The following NRIP1 variants were observed in gnomAD, a reference collection of about 807,000 sequenced individuals.
NRIP1 encodes the protein nuclear receptor interacting protein 1, also known as nuclear receptor-interacting protein 1.
In NRIP1, 28 loss-of-function variants were observed where a neutral mutation model predicts 75.0. That is an observed-to-expected ratio of 0.37 (90% CI 0.28 to 0.51). The LOEUF is 0.51. Among genes scored for constraint, NRIP1 ranks in the 20% least tolerant of loss-of-function variants. NRIP1 has a pLI of 0.92. For synonymous variants in NRIP1, 526 were observed against 487.6 expected, an observed-to-expected ratio of 1.08 and a Z score of -1.04; for missense variants, 1,435 against 1,343.7, an observed-to-expected ratio of 1.07 and a Z score of -1.06.
At chr21:15,026,636 T>C (rs1255423302) in intron 2 of NRIP1, among the ~76,000 whole-genome samples, 1 of 152,110 alleles carries the variant, frequency 6.6e-6, no homozygotes, top group Admixed American at 6.5e-5. Flanking sequence ...CACCTATATA[T>C]GTATGTAAGT....
intron 2 of NRIP1, among the ~76,000 whole-genome samples, chr21:15,022,396 G>T (rs190686353): frequency 1.3e-5 from 2 of 152,250 alleles, no homozygotes; most frequent in African/African-American, 4.8e-5. Flanking sequence ...TGGGAGGTGT[G>T]GGGGGAGGGA....
chr21:15,012,599 C>T (rs559467490), intron 3 of NRIP1, among the ~76,000 whole-genome samples: 1 of 151,862 alleles, frequency 6.6e-6, no homozygotes, highest in East Asian at 1.9e-4. Context: ...ACTACAGGCA[C>T]GCGCTACCAC....
At chr21:14,998,866 CAGT>C (rs1416732452) in intron 3 of NRIP1, among the ~76,000 whole-genome samples, 1 of 152,186 alleles carries the variant, frequency 6.6e-6, no homozygotes, top group African/African-American at 2.4e-5. Flanking sequence ...TTCTGGTCAA[CAGT>C]AGGCTATCAG....
At chr21:15,061,674 A>T (rs2089426325) in intron 1 of NRIP1, among the ~76,000 whole-genome samples, 1 of 152,208 alleles carries the variant, frequency 6.6e-6, no homozygotes, top group Admixed American at 6.5e-5. Context: ...TTTTAACCTG[A>T]TACACCAAAC....
chr21:15,037,581 G>C (rs1023378206), intron 2 of NRIP1, among the ~76,000 whole-genome samples: 4 of 152,178 alleles, frequency 2.6e-5, no homozygotes, highest in Admixed American at 2.6e-4. Flanking sequence ...GAAAGTAGAT[G>C]GGAGCACATG....
chr21:14,978,955 G>A (rs1266043686), intron 3 of NRIP1, among the ~76,000 whole-genome samples: 1 of 151,988 alleles, frequency 6.6e-6, no homozygotes, highest in Non-Finnish European at 1.5e-5. Context: ...TACTGACACT[G>A]GAAAATTGTT....
At chr21:15,034,910 A>C (rs1346889648) in intron 2 of NRIP1, among the ~76,000 whole-genome samples, 1 of 152,250 alleles carries the variant, frequency 6.6e-6, no homozygotes, top group Non-Finnish European at 1.5e-5. Context: ...TGAAAAATAC[A>C]TTAGAATTAA....
At chr21:14,982,227 G>C (rs1223130246) in intron 3 of NRIP1, among the ~76,000 whole-genome samples, 1 of 151,930 alleles carries the variant, frequency 6.6e-6, no homozygotes, top group Non-Finnish European at 1.5e-5. Flanking sequence ...TTGTGTTTTG[G>C]TCTTTCCCTT....
chr21:15,007,181 G>A (rs1273568654), intron 3 of NRIP1, among the ~76,000 whole-genome samples: 1 of 152,136 alleles, frequency 6.6e-6, no homozygotes, highest in Non-Finnish European at 1.5e-5. Flanking sequence ...ACAAGCAATG[G>A]TATTATTAAA....
chr21:14,978,235 T>G (rs2087131359), intron 3 of NRIP1, among the ~76,000 whole-genome samples: 1 of 152,206 alleles, frequency 6.6e-6, no homozygotes, highest in Non-Finnish European at 1.5e-5. Flanking sequence ...ATCTAAAATT[T>G]TATTCCTATG....
chr21:15,014,067 G>T (rs2088170312), intron 3 of NRIP1, among the ~76,000 whole-genome samples: 1 of 152,130 alleles, frequency 6.6e-6, no homozygotes, highest in African/African-American at 2.4e-5. Flanking sequence ...GAATTCTCAA[G>T]AATATTTTTC....
chr21:14,961,944 C>A lies in NRIP1; in HGVS notation c.*2772G>T, dbSNP rs1001805736. The A allele has an allele frequency of 6.7e-6, 1 of 150,002 alleles. No individual in the cohort carries two copies. The highest frequency in any genetic ancestry group is 2.4e-5 in the African/African-American group (1 of 40,904). The allele number at this position is 150,002 out of a possible 1,614,324, so 9.3% of individuals were successfully genotyped here. A position where few individuals can be genotyped will look rare whatever the true frequency, so the allele number is the denominator to read the frequency against. On this transcript the variant is annotated 3_prime_UTR_variant, in exon 4 of 4. Coordinates refer to ENST00000318948, the MANE Select transcript of NRIP1 (RefSeq NM_003489.4). ...TATGTATTTTTCATTAAGGAAATCA[C>A]TATTTACATCACCTTTAAAAACCGA... is the stretch of plus-strand genomic sequence containing the variant.
intron 2 of NRIP1, among the ~76,000 whole-genome samples, chr21:15,040,258 G>A (rs2088924190): frequency 6.6e-6 from 1 of 151,978 alleles, no homozygotes; most frequent in Non-Finnish European, 1.5e-5. Context: ...TCATTGAAAG[G>A]ATAACATTTT....
At chr21:15,063,172 T>C (rs1978479229) in intron 1 of NRIP1, among the ~76,000 whole-genome samples, 1 of 152,214 alleles carries the variant, frequency 6.6e-6, no homozygotes, top group African/African-American at 2.4e-5. Flanking sequence ...GCTCCACTAA[T>C]TGATTCTCCT....
At chr21:14,975,813 AAT>A (rs1212997904) in intron 3 of NRIP1, among the ~76,000 whole-genome samples, 1 of 152,046 alleles carries the variant, frequency 6.6e-6, no homozygotes, top group Non-Finnish European at 1.5e-5. Flanking sequence ...GTTGGGAATA[AAT>A]AATAAATTCA....
chr21:15,031,094 GAGGATCACCACA>G (rs2088668413), intron 2 of NRIP1, among the ~76,000 whole-genome samples: 1 of 50,954 alleles, frequency 2.0e-5, no homozygotes, highest in East Asian at 1.0e-3. Flanking sequence ...AAGGCGCTCG[GAGGATCACCACA>G]TTCCCTTTCT....
chr21:15,021,086 T>C (rs955282759), intron 2 of NRIP1, among the ~76,000 whole-genome samples: 32 of 152,132 alleles, frequency 2.1e-4, no homozygotes, highest in African/African-American at 7.7e-4. Flanking sequence ...ATGAAAAATA[T>C]ATGTCCACAA....
At chr21:15,053,771 T>C (rs1254611536) in intron 1 of NRIP1, among the ~76,000 whole-genome samples, 3 of 152,176 alleles carry the variant, frequency 2.0e-5, no homozygotes, top group Non-Finnish European at 4.4e-5. Flanking sequence ...AGCAGGTGAA[T>C]ACACAGAAAT....
At chr21:15,057,056 C>T (rs2089322550) in intron 1 of NRIP1, among the ~76,000 whole-genome samples, 1 of 152,162 alleles carries the variant, frequency 6.6e-6, no homozygotes, top group Non-Finnish European at 1.5e-5. Flanking sequence ...TCTCTGCTTC[C>T]ACTTCCTTCC....
Sources: allele counts gnomAD v4.1 joint callset (sites outside exome capture counted in the v4.1 genomes callset), GRCh38; gene constraint gnomAD v4.1.1; transcripts MANE v1.5; gene names NCBI Gene and HGNC (gene_info 2026-07-23, HGNC 2026-07-21).